The following FRMD4A variants were observed in gnomAD, a reference collection of about 807,000 sequenced individuals.
FRMD4A encodes the protein FERM domain containing 4A.
Under a neutral mutation model 129.1 loss-of-function variants are expected in FRMD4A, and 29 were observed. That is an observed-to-expected ratio of 0.22 (90% CI 0.17 to 0.31). The LOEUF is 0.31. Ranked by LOEUF, FRMD4A falls within the 10% of genes least tolerant of loss-of-function variation. The pLI is 1.00. For synonymous variants in FRMD4A, 634 were observed against 571.6 expected (o/e 1.11, Z -1.56); for missense variants, 1,272 against 1,375.8 (o/e 0.92, Z 1.19).
chr10:13,990,043 A>G (rs1416362570), intron 2 of FRMD4A, among the ~76,000 whole-genome samples: 3 of 152,150 alleles, frequency 2.0e-5, no homozygotes, highest in Non-Finnish European at 4.4e-5. Context: ...CTGAAGTCAG[A>G]CTACCTGGGT....
At chr10:13,661,691 T>C (rs887768589) in intron 19 of FRMD4A, among the ~76,000 whole-genome samples, 2 of 151,932 alleles carry the variant, frequency 1.3e-5, no homozygotes, top group African/African-American at 4.8e-5. Flanking sequence ...GAGAGGGGGA[T>C]GAATGAGGAC....
chr10:14,242,404 T>C (rs1844079642), intron 2 of FRMD4A, among the ~76,000 whole-genome samples: 1 of 152,222 alleles, frequency 6.6e-6, no homozygotes, highest in Non-Finnish European at 1.5e-5. Flanking sequence ...TGCATTATTA[T>C]ATTAGATTTT....
chr10:14,259,771 G>T (rs553624772), intron 2 of FRMD4A, among the ~76,000 whole-genome samples: 4 of 152,204 alleles, frequency 2.6e-5, no homozygotes, highest in Admixed American at 6.5e-5. Context: ...ATTTTTCCAT[G>T]CAGGGTAAGG....
chr10:14,216,974 C>G (rs529055774), intron 2 of FRMD4A, among the ~76,000 whole-genome samples: 2 of 152,238 alleles, frequency 1.3e-5, no homozygotes, highest in African/African-American at 4.8e-5. Context: ...AAATATTATA[C>G]ACACTGATCC....
intron 2 of FRMD4A, among the ~76,000 whole-genome samples, chr10:14,237,214 A>G (rs1263563725): frequency 3.3e-5 from 5 of 152,112 alleles, no homozygotes; most frequent in Non-Finnish European, 5.9e-5. Context: ...CGGTAAGCCA[A>G]GACTCTAGAA....
chr10:13,773,835 C>T (rs1294262435), intron 6 of FRMD4A, among the ~76,000 whole-genome samples: 1 of 152,212 alleles, frequency 6.6e-6, no homozygotes, highest in Non-Finnish European at 1.5e-5. Flanking sequence ...CCGCTGCCTC[C>T]TGCAGGGGCT....
At position 13,656,896 on chromosome 10, in the gene FRMD4A, G is replaced by A. The variant is rs777129980; in HGVS notation, c.2693C>T (p.Pro898Leu). The A allele has an allele frequency of 4.2e-5, 62 of 1,478,778 alleles. No homozygotes were observed. The highest frequency in any genetic ancestry group is 5.1e-5 in the Non-Finnish European group (57 of 1,121,664). 91.6% of individuals were successfully genotyped at this position (1,478,778 alleles called of 1,614,324 possible). ...AGTCCGCAGGATCTGCGATCGCGAC[G>A]GCGTCAGGCGGCCCGTGTCGCCCTC... is the stretch of plus-strand genomic sequence containing the variant. ...GDEGDTGRLT[P>L]SRSQILRTPS... The change falls in exon 22 of 25, where the codon CCG becomes CTG. Residue 898 changes from proline to leucine, a missense_variant. This residue lies in a region of FRMD4A where 972 missense variants were observed against 892.3 expected (regional missense o/e 1.09). Transcript: ENST00000357447.
chr10:13,936,526 G>A (rs1343055194), intron 2 of FRMD4A, among the ~76,000 whole-genome samples: 1 of 152,132 alleles, frequency 6.6e-6, no homozygotes, highest in Non-Finnish European at 1.5e-5. Context: ...TGAGATTAGT[G>A]TCCTCATAAG....
intron 15 of FRMD4A, chr10:13,692,240 C>A (rs1300006165): frequency 4.1e-5 from 6 of 145,488 alleles, no homozygotes; most frequent in African/African-American, 1.5e-4. Flanking sequence ...CCTCTGCCTC[C>A]TGAGTTCAAG....
intron 2 of FRMD4A, among the ~76,000 whole-genome samples, chr10:14,317,172 C>G (rs1264577413): frequency 6.6e-6 from 1 of 152,188 alleles, no homozygotes; most frequent in Non-Finnish European, 1.5e-5. Flanking sequence ...TCATTGATGA[C>G]TATTTGTAGA....
intron 2 of FRMD4A, among the ~76,000 whole-genome samples, chr10:13,957,378 C>T (rs987881311): frequency 9.9e-5 from 15 of 152,272 alleles, no homozygotes; most frequent in South Asian, 2.1e-4. Context: ...CTCAGCCTCC[C>T]GTCTAGCTGG....
At chr10:14,185,006 A>G (rs1187419572) in intron 2 of FRMD4A, among the ~76,000 whole-genome samples, 3 of 152,152 alleles carry the variant, frequency 2.0e-5, no homozygotes, top group African/African-American at 7.2e-5. Context: ...GAGAGAAAAC[A>G]AAACCCAGGA....
At chr10:14,140,301 G>C (rs1839770702) in intron 2 of FRMD4A, among the ~76,000 whole-genome samples, 1 of 152,152 alleles carries the variant, frequency 6.6e-6, no homozygotes, top group Non-Finnish European at 1.5e-5. Context: ...GACCTCAAGT[G>C]ATCCACCTGC....
intron 2 of FRMD4A, among the ~76,000 whole-genome samples, chr10:14,138,319 A>G (rs1414731455): frequency 6.6e-6 from 1 of 152,218 alleles, no homozygotes; most frequent in Admixed American, 6.5e-5. Flanking sequence ...TCCAGCTGAC[A>G]AAGCCTCTCT....
chr10:13,968,869 T>C (rs980663176), intron 2 of FRMD4A, among the ~76,000 whole-genome samples: 6 of 152,152 alleles, frequency 3.9e-5, no homozygotes, highest in Non-Finnish European at 7.4e-5. Context: ...GTGAAGTTTT[T>C]CTTGAGCAAA....
intron 2 of FRMD4A, chr10:14,074,338 T>A (rs919611391): frequency 6.6e-6 from 1 of 152,100 alleles, no homozygotes; most frequent in Non-Finnish European, 1.5e-5. Context: ...GACCTGAGGG[T>A]CAGATTCAGA....
chr10:13,854,588 T>G (rs1267325975), intron 3 of FRMD4A, among the ~76,000 whole-genome samples: 3 of 139,064 alleles, frequency 2.2e-5, no homozygotes, highest in Admixed American at 2.1e-4. Flanking sequence ...ACCGAGCTAT[T>G]TTTTTTTTTT....
At chr10:14,302,440 T>C (rs1366320044) in intron 2 of FRMD4A, among the ~76,000 whole-genome samples, 2 of 152,214 alleles carry the variant, frequency 1.3e-5, no homozygotes, top group African/African-American at 4.8e-5. Context: ...TGGTTAAAAG[T>C]GTGATCTCTG....
intron 3 of FRMD4A, among the ~76,000 whole-genome samples, chr10:13,830,654 C>T (rs971305299): frequency 6.6e-6 from 1 of 152,200 alleles, no homozygotes; most frequent in African/African-American, 2.4e-5. Context: ...TTATGGGAGG[C>T]CTTGCCCTAC....
Sources: allele counts gnomAD v4.1 joint callset (sites outside exome capture counted in the v4.1 genomes callset), GRCh38; gene constraint gnomAD v4.1.1; regional missense constraint gnomAD v4.1.1; transcripts MANE v1.5; gene names NCBI Gene and HGNC (gene_info 2026-07-23, HGNC 2026-07-21).